Variants in SUCLG2 observed in about 807,000 individuals in gnomAD.
The protein encoded by SUCLG2 is succinate-CoA ligase GDP-forming subunit beta.
In SUCLG2, 42 loss-of-function variants were observed where a neutral mutation model predicts 47.9. That is an observed-to-expected ratio of 0.88 (90% confidence interval 0.69 to 1.14). The LOEUF (loss-of-function observed/expected upper bound fraction) is 1.14, where lower values mean the gene tolerates loss of function less well. Ranked by LOEUF, SUCLG2 falls within the 50% of genes most tolerant of loss-of-function variation. The pLI is 0.00. For missense variants in SUCLG2, 571 were observed against 525.9 expected (o/e 1.09, Z -0.84); for synonymous variants, 195 against 197.3 (o/e 0.99, Z 0.10).
intron 1 of SUCLG2, among the ~76,000 whole-genome samples, chr3:67,641,193 A>G (rs772061472): frequency 3.9e-5 from 6 of 152,118 alleles, no homozygotes; most frequent in Non-Finnish European, 7.3e-5. Context: ...CTCAATTGCA[A>G]CTCGTCTGTC....
At chr3:67,429,280 T>C (rs750938948) in intron 9 of SUCLG2, among the ~76,000 whole-genome samples, 1 of 152,294 alleles carries the variant, frequency 6.6e-6, no homozygotes, top group African/African-American at 2.4e-5. Flanking sequence ...AGCCAGAAGA[T>C]AGTGGGGGCC....
intron 10 of SUCLG2, among the ~76,000 whole-genome samples, chr3:67,397,766 A>C (rs562939981): frequency 6.6e-6 from 1 of 152,326 alleles, no homozygotes; most frequent in East Asian, 1.9e-4. Flanking sequence ...CTCAGTTGAA[A>C]CTATACTACA....
Position 67,609,529 on chromosome 3 carries a change from T to A in SUCLG2, c.152A>T (p.Asp51Val), listed in dbSNP as rs1700490585. The A allele has an allele frequency of 1.2e-6, 2 of 1,613,856 alleles. No homozygotes were observed. The highest frequency in any genetic ancestry group is 1.3e-5 in the African/African-American group (1 of 74,930). The change falls in exon 2 of 11, where the codon GAC (aspartate) becomes GTC (valine). Residue 51 changes from aspartate (D) to valine (V), a missense_variant. Transcript: ENST00000307227. ...GAATCTTTGAACTCTCACTCCGTTG[T>A]CAGACATCAGTTTCTTGCTCTGGTA... is the stretch of plus-strand genomic sequence containing the variant. ...QEYQSKKLMS[D>V]NGVRVQRFFV...
chr3:67,593,589 T>C (rs1257320882), intron 2 of SUCLG2, among the ~76,000 whole-genome samples: 2 of 152,192 alleles, frequency 1.3e-5, no homozygotes, highest in African/African-American at 4.8e-5. Flanking sequence ...CTTCTCTCAC[T>C]TGGAAGACCA....
In SUCLG2 at chr3:67,409,360, AT is replaced by A. The variant is rs146291527; in HGVS notation, c.1063-8510del. On this transcript the variant is annotated intron_variant, in intron 9 of 10. Transcript: ENST00000307227. ...ACTATTATTCTTTGAAATTATGGCCATAAAAATTCTAATGGTGAGACATCAT... is the reference window on the plus strand; with the variant it reads ...ACTATTATTCTTTGAAATTATGGCCAAAAAATTCTAATGGTGAGACATCAT... 5.2e-3 allele frequency among the ~76,000 whole-genome samples: 787 copies of A among 152,304 alleles called. 6 individuals carry two copies. Among genetic ancestry groups the A allele is most frequent in the African/African-American group, 0.018 (731 of 41,560 alleles).
chr3:67,496,724 A>G (rs1168231943), intron 8 of SUCLG2, among the ~76,000 whole-genome samples: 1 of 152,152 alleles, frequency 6.6e-6, no homozygotes, highest in Non-Finnish European at 1.5e-5. Flanking sequence ...TGTTTTCCAG[A>G]GCTAAGTTTT....
intron 1 of SUCLG2, among the ~76,000 whole-genome samples, chr3:67,612,394 T>G (rs943260185): frequency 6.8e-6 from 1 of 147,756 alleles, no homozygotes; most frequent in Non-Finnish European, 1.5e-5. Context: ...TCTACAGAAG[T>G]ATAATTTATG....
intron 9 of SUCLG2, among the ~76,000 whole-genome samples, chr3:67,485,634 A>C (rs1306795686): frequency 1.3e-5 from 2 of 152,236 alleles, no homozygotes; most frequent in Non-Finnish European, 2.9e-5. Flanking sequence ...GTATTACAGG[A>C]ATACAATTAG....
At chr3:67,485,181 T>C (rs1372877500) in intron 9 of SUCLG2, among the ~76,000 whole-genome samples, 1 of 152,238 alleles carries the variant, frequency 6.6e-6, no homozygotes, top group African/African-American at 2.4e-5. Flanking sequence ...CCGTTAATTC[T>C]GAGATAATTA....
At chr3:67,519,982 T>G (rs1197976350) in intron 5 of SUCLG2, among the ~76,000 whole-genome samples, 2 of 152,150 alleles carry the variant, frequency 1.3e-5, no homozygotes, top group Non-Finnish European at 2.9e-5. Flanking sequence ...AGTCAAGATT[T>G]CAAGGATTGA....
At chr3:67,505,087 T>C (rs1243868612) in intron 7 of SUCLG2, among the ~76,000 whole-genome samples, 1 of 152,218 alleles carries the variant, frequency 6.6e-6, no homozygotes, top group African/African-American at 2.4e-5. Context: ...TGATTCTTGC[T>C]CAGTGGCTGG....
chr3:67,576,832 A>G (rs1707754467), intron 2 of SUCLG2, among the ~76,000 whole-genome samples: 1 of 152,228 alleles, frequency 6.6e-6, no homozygotes, highest in South Asian at 2.1e-4. Flanking sequence ...CCTGATTCAG[A>G]GCTTGAACAC....
At chr3:67,485,673 T>C (rs950560906) in intron 9 of SUCLG2, among the ~76,000 whole-genome samples, 2 of 152,318 alleles carry the variant, frequency 1.3e-5, no homozygotes, top group Admixed American at 1.3e-4. Context: ...ACACTTTTAG[T>C]AGGAAATGTA....
intron 2 of SUCLG2, among the ~76,000 whole-genome samples, chr3:67,568,457 T>G (rs1241380038): frequency 6.6e-6 from 1 of 152,114 alleles, no homozygotes; most frequent in Non-Finnish European, 1.5e-5. Context: ...CGTGAGAAAA[T>G]GAATGTTTTC....
chr3:67,508,775 CATTT>C, intron 7 of SUCLG2, 28 bp downstream of exon 7: 2 of 1,472,836 alleles, frequency 1.4e-6, no homozygotes, highest in Admixed American at 1.9e-5. Flanking sequence ...ATAATACATT[CATTT>C]GTTTTCTCAA....
chr3:67,407,654 A>G (rs1249963439), intron 9 of SUCLG2, among the ~76,000 whole-genome samples: 1 of 152,214 alleles, frequency 6.6e-6, no homozygotes, highest in Non-Finnish European at 1.5e-5. Context: ...AAGTGCAACT[A>G]TTAGGTTTTG....
intron 1 of SUCLG2, among the ~76,000 whole-genome samples, chr3:67,643,584 G>T (rs1046826797): frequency 6.6e-6 from 1 of 152,204 alleles, no homozygotes; most frequent in South Asian, 2.1e-4. Context: ...AAATTGGAAT[G>T]TCTTTAGTGA....
intron 10 of SUCLG2, among the ~76,000 whole-genome samples, chr3:67,386,045 A>G (rs143837686): frequency 2.8e-3 from 426 of 152,326 alleles, no homozygotes; most frequent in African/African-American, 9.6e-3. Context: ...AGTTCTGTGG[A>G]CCATACTCTG....
intron 1 of SUCLG2, among the ~76,000 whole-genome samples, chr3:67,640,611 G>C (rs570998486): frequency 6.6e-6 from 1 of 152,088 alleles, no homozygotes; most frequent in Non-Finnish European, 1.5e-5. Context: ...AACTCGTTGA[G>C]CATTCCATGG....
Sources: allele counts gnomAD v4.1 joint callset (sites outside exome capture counted in the v4.1 genomes callset), GRCh38; gene constraint gnomAD v4.1.1; transcripts MANE v1.5; gene names NCBI Gene and HGNC (gene_info 2026-07-23, HGNC 2026-07-21).